Variants in ZNF536 observed in about 807,000 individuals in gnomAD.
The protein encoded by ZNF536 is zinc finger protein 536.
A neutral mutation model predicts 84.5 loss-of-function variants in ZNF536; 13 were observed. The observed-to-expected ratio is 0.15, with a 90% CI of 0.10 to 0.24. The LOEUF (loss-of-function observed/expected upper bound fraction) is 0.24. ZNF536 is among the 10% of genes least tolerant of loss of function. ZNF536 has a pLI of 1.00. For missense variants in ZNF536, 1,536 were observed against 1,747.5 expected (o/e 0.88, Z 2.16); for synonymous variants, 811 against 742.5 (o/e 1.09, Z -1.50).
At chr19:30,551,264 AT>A (rs1385879301) in intron 4 of ZNF536, among the ~76,000 whole-genome samples, 5 of 152,140 alleles carry the variant, frequency 3.3e-5, no homozygotes, top group Admixed American at 2.6e-4. Context: ...AAATGAGCTC[AT>A]ATTACCCCTA....
intron 2 of ZNF536, among the ~76,000 whole-genome samples, chr19:30,501,637 T>C (rs986738085): frequency 3.3e-5 from 5 of 152,130 alleles, no homozygotes; most frequent in African/African-American, 1.2e-4. Context: ...TAAAGACCAG[T>C]CCATACTGAG....
intron 3 of ZNF536, among the ~76,000 whole-genome samples, chr19:30,538,426 T>G (rs1419796438): frequency 6.6e-6 from 1 of 152,230 alleles, no homozygotes; most frequent in African/African-American, 2.4e-5. Flanking sequence ...GTAACATCAA[T>G]GGATAAAACC....
intron 1 of ZNF536, among the ~76,000 whole-genome samples, chr19:30,406,882 C>T (rs556927578): frequency 1.1e-4 from 17 of 152,188 alleles, no homozygotes; most frequent in Middle Eastern, 3.2e-3. Context: ...GATCCCTAAA[C>T]AGTGTAGAAA....
rs2146179962 is a variant in ZNF536, at chr19:30,548,055, G to C, written c.2436G>C (p.Leu812=). 1 of 1,614,124 alleles carries C rather than the reference G, an allele frequency of 6.2e-7. No homozygotes were observed. The highest frequency in any genetic ancestry group is 8.5e-7 in the Non-Finnish European group (1 of 1,180,024). Residue 812 remains leucine, a synonymous_variant, in exon 4 of 5, where the codon CTG becomes CTC. Transcript: ENST00000355537. ...HRERQNGAGP[L]SGQPPNQDHK... ...AGCGGCAGAACGGGGCTGGGCCGCT[G>C]TCTGGGCAACCCCCAAATCAAGACC... is the stretch of plus-strand genomic sequence containing the variant.
intron 2 of ZNF536, among the ~76,000 whole-genome samples, chr19:30,492,479 A>G (rs1040476527): frequency 7.9e-5 from 12 of 152,236 alleles, no homozygotes; most frequent in African/African-American, 2.9e-4. Flanking sequence ...ATATCAGAAC[A>G]TATTTCAAGA....
rs750922836 is a variant in ZNF536, at chr19:30,549,376, C to T, written c.3757C>T (p.Arg1253Trp). The T allele has an allele frequency of 7.0e-5, 111 of 1,596,802 alleles. No homozygotes were observed. The highest frequency in any genetic ancestry group is 1.0e-4 in the Admixed American group (6 of 58,790). Residue 1253 changes from arginine to tryptophan, a missense_variant, in exon 4 of 5, where the codon CGG (arginine) becomes TGG (tryptophan). This residue lies in a region of ZNF536 where 624 missense variants were observed against 603.1 expected (regional missense o/e 1.03). Coordinates refer to ENST00000355537, the MANE Select transcript of ZNF536 (RefSeq NM_014717.3). ...DPLAGLPKPE[R>W]GPQSLDKPMN... ...CTTGGCGGGCCTGCCAAAGCCGGAG[C>T]GGGGGCCCCAGAGCCTGGACAAGCC...
chr19:30,559,821 G>A (rs1279445467), downstream of ZNF536, among the ~76,000 whole-genome samples: 1 of 152,152 alleles, frequency 6.6e-6, no homozygotes, highest in Admixed American at 6.5e-5. Context: ...CCTTTCCATG[G>A]GGGCCCAATC....
chr19:30,550,306 C>T (rs555115606), intron 4 of ZNF536, among the ~76,000 whole-genome samples: 122 of 152,274 alleles, frequency 8.0e-4, no homozygotes, highest in African/African-American at 2.7e-3. Context: ...TCCAGATTTC[C>T]GAACATCATT....
chr19:30,351,141 A>G (rs547790474), intron 2 of ZNF536, among the ~76,000 whole-genome samples: 13 of 152,366 alleles, frequency 8.5e-5, no homozygotes, highest in African/African-American at 3.1e-4. Flanking sequence ...AAGAAAAAGA[A>G]TAAAACTGGG....
chr19:30,228,125 A>T (rs900688405), upstream of ZNF536, among the ~76,000 whole-genome samples: 1 of 150,472 alleles, frequency 6.6e-6, no homozygotes, highest in African/African-American at 2.4e-5. The surrounding 1 kb of genome is among the most constrained non-coding windows in gnomAD (Gnocchi z 4.5). Flanking sequence ...CCAGTTTGAT[A>T]CTAGCAACTG....
At chr19:30,408,036 C>T (rs529833183) in intron 1 of ZNF536, among the ~76,000 whole-genome samples, 1 of 152,154 alleles carries the variant, frequency 6.6e-6, no homozygotes, top group Non-Finnish European at 1.5e-5. Flanking sequence ...TTGGCCCACT[C>T]ATCACCAACC....
chr19:30,669,939 G>A (rs1600214606), intron 1 of ZNF536, among the ~76,000 whole-genome samples: 1 of 152,224 alleles, frequency 6.6e-6, no homozygotes, highest in East Asian at 1.9e-4. Context: ...GCTTCTACAG[G>A]AGGGAAGAGA....
At chr19:30,642,196 G>A (rs36044035) in intron 1 of ZNF536, among the ~76,000 whole-genome samples, 2,207 of 152,218 alleles carry the variant, frequency 0.014, 22 homozygotes, top group Non-Finnish European at 0.022. Flanking sequence ...CAGAAAGTTC[G>A]TTTGCATTGC....
intron 1 of ZNF536, among the ~76,000 whole-genome samples, chr19:30,567,609 A>T (rs1322273787): frequency 6.6e-6 from 1 of 152,154 alleles, no homozygotes; most frequent in Non-Finnish European, 1.5e-5. Context: ...TTGTTCCCTG[A>T]GGTCCAGGTC....
At chr19:30,322,177 C>T (rs2046879957) in intron 2 of ZNF536, among the ~76,000 whole-genome samples, 2 of 152,160 alleles carry the variant, frequency 1.3e-5, no homozygotes, top group Non-Finnish European at 2.9e-5. Flanking sequence ...TGTATTTTGC[C>T]AAATTCCCAT....
chr19:30,452,533 T>C (rs530251200), intron 2 of ZNF536, among the ~76,000 whole-genome samples: 4 of 152,238 alleles, frequency 2.6e-5, no homozygotes, highest in African/African-American at 9.6e-5. Flanking sequence ...ATTCCACTGG[T>C]TCTAGAGAGA....
intron 2 of ZNF536, among the ~76,000 whole-genome samples, chr19:30,486,694 G>A (rs940954004): frequency 2.0e-5 from 3 of 152,146 alleles, no homozygotes; most frequent in Non-Finnish European, 2.9e-5. Context: ...TCCTCAATGG[G>A]TGGACTAATT....
At chr19:30,606,297 AAATAAAATAAAATAAAAT>A (rs2146986729) in intron 1 of ZNF536, among the ~76,000 whole-genome samples, 1 of 111,486 alleles carries the variant, frequency 9.0e-6, no homozygotes, top group South Asian at 2.8e-4. Context: ...AAAATAAATA[AAATAAAATAAAATAAAAT>A]AAAAATAAAA....
At chr19:30,401,505 C>T (rs926847112) in intron 1 of ZNF536, among the ~76,000 whole-genome samples, 36 of 152,170 alleles carry the variant, frequency 2.4e-4, no homozygotes, top group African/African-American at 7.7e-4. Context: ...GGACTTTACC[C>T]ACTGCTTTCT....
Sources: allele counts gnomAD v4.1 joint callset (sites outside exome capture counted in the v4.1 genomes callset), GRCh38; gene constraint gnomAD v4.1.1; regional missense constraint gnomAD v4.1.1; non-coding constraint Gnocchi (gnomAD v3.1); transcripts MANE v1.5; gene names NCBI Gene and HGNC (gene_info 2026-07-23, HGNC 2026-07-21).